The following CACNA1D variants were observed in gnomAD, a reference collection of about 807,000 sequenced individuals.
CACNA1D encodes calcium voltage-gated channel subunit alpha1 D.
In CACNA1D, 55 loss-of-function variants were observed where a neutral mutation model predicts 257.1. The ratio of observed to expected loss-of-function variants is 0.21; its 90% confidence interval spans 0.17 to 0.27. CACNA1D has a LOEUF of 0.27. Among genes scored for constraint, CACNA1D ranks in the 10% least tolerant of loss-of-function variants. The probability of loss-of-function intolerance (pLI) is 1.00; values close to 1 mark genes in which losing one functional copy is unlikely to be tolerated. For synonymous variants in CACNA1D, 980 were observed against 1,014.9 expected (o/e 0.97, Z 0.65); for missense variants, 1,876 against 2,784.0 (o/e 0.67, Z 7.34).
chr3:53,797,138 G>A (rs1404667164), intron 40 of CACNA1D, among the ~76,000 whole-genome samples: 7 of 152,170 alleles, frequency 4.6e-5, no homozygotes, highest in Non-Finnish European at 1.5e-5. Flanking sequence ...ATAGTTTTCT[G>A]TATTTCTGGG....
chr3:53,729,582 G>A (rs979975451), intron 15 of CACNA1D, among the ~76,000 whole-genome samples: 3 of 152,154 alleles, frequency 2.0e-5, no homozygotes, highest in Non-Finnish European at 4.4e-5. Flanking sequence ...GGCATCTTCT[G>A]ATTTAGGAGT....
chr3:53,684,882 T>A (rs766662390), intron 8 of CACNA1D, among the ~76,000 whole-genome samples: 5 of 151,920 alleles, frequency 3.3e-5, no homozygotes, highest in Non-Finnish European at 7.4e-5. Context: ...TATGATAATC[T>A]CCAGAGTAAT....
chr3:53,576,440 T>G (rs2093039425), intron 3 of CACNA1D, among the ~76,000 whole-genome samples: 1 of 152,210 alleles, frequency 6.6e-6, no homozygotes, highest in African/African-American at 2.4e-5. Flanking sequence ...TCGAGGCCAT[T>G]GAGCAGAGTC....
chr3:53,724,206 T>A (rs2094908928), intron 14 of CACNA1D, among the ~76,000 whole-genome samples: 1 of 152,352 alleles, frequency 6.6e-6, no homozygotes, highest in East Asian at 1.9e-4. Context: ...GTAATTTTTT[T>A]AAAGACTTCT....
chr3:53,736,905 C>A (rs6788500), intron 20 of CACNA1D, among the ~76,000 whole-genome samples: 3,439 of 141,886 alleles, frequency 0.024, 57 homozygotes, highest in East Asian at 0.096. Context: ...AAAAAAAAAA[C>A]AAAAAGAACT....
intron 47 of CACNA1D, among the ~76,000 whole-genome samples, chr3:53,810,780 A>AAAAAAAAAAAAAAAAAAAAC (rs1559732992): frequency 7.6e-6 from 1 of 131,906 alleles, no homozygotes; most frequent in Non-Finnish European, 1.6e-5. Context: ...AAAAAAAAAA[A>AAAAAAAAAAAAAAAAAAAAC]AAAAAACAAA....
chr3:53,653,472 G>C (rs1206084368), intron 4 of CACNA1D, among the ~76,000 whole-genome samples: 1 of 152,062 alleles, frequency 6.6e-6, no homozygotes, highest in East Asian at 1.9e-4. Flanking sequence ...TAAATTTATG[G>C]ACTTAAAGGG....
chr3:53,513,602 C>A (rs2091211102), intron 3 of CACNA1D, among the ~76,000 whole-genome samples: 1 of 152,142 alleles, frequency 6.6e-6, no homozygotes, highest in African/African-American at 2.4e-5. Flanking sequence ...CCACTTTATT[C>A]CATCCTAGGT....
chr3:53,801,264 A>T lies in CACNA1D; in HGVS notation c.5247A>T (p.Gln1749His), dbSNP rs1210927253. The T allele has an allele frequency of 6.2e-7, 1 of 1,613,994 alleles. No individual in the cohort carries two copies. The highest frequency in any genetic ancestry group is 1.7e-5 in the Admixed American group (1 of 59,992). The change falls in exon 42 of 48, where the codon CAA (glutamine) becomes CAT (histidine). Residue 1749 changes from glutamine to histidine, a missense_variant. By Grantham distance (24) the Gln-to-His change is conservative. Around this residue, in one of 10 missense-constraint regions of CACNA1D, gnomAD observed 160 missense variants for 236.6 expected, o/e 0.68. Coordinates refer to ENST00000350061, the MANE Select transcript of CACNA1D (RefSeq NM_001128840.3). ...NHHNHNSIGK[Q>H]VPTSTNANLN... Reference sequence around the variant, plus strand: ...ATAACCATAATTCCATAGGAAAGCAAGTTCCCACCTCAACAAATGCCAATC... The same window carrying T: ...ATAACCATAATTCCATAGGAAAGCATGTTCCCACCTCAACAAATGCCAATC...
chr3:53,809,106 T>A, intron 46 of CACNA1D: 1 of 321,918 alleles, frequency 3.1e-6, no homozygotes. Context: ...TGGGGGCCAC[T>A]TGGCTGATTC....
rs1024564786 is a variant in CACNA1D at position 53,789,823 on chromosome 3, G to A, written c.4923+2871G>A. ...CACCCCCAGGGAATGTTTTTTCAAGGACACATATACGCACTGTGGTTTTGA... is the reference window on the plus strand; with the variant it reads ...CACCCCCAGGGAATGTTTTTTCAAGAACACATATACGCACTGTGGTTTTGA... On this transcript the variant is annotated intron_variant, in intron 40 of 47. Transcript: ENST00000350061. This position sits in a 1 kb window ranked among gnomAD's most constrained non-coding sequence, Gnocchi z 4.2. Among the ~76,000 whole-genome samples, 11 of 152,198 alleles carry A rather than the reference G, an allele frequency of 7.2e-5. No individual in the cohort carries two copies. Among genetic ancestry groups the A allele is most frequent in the African/African-American group, 1.7e-4 (7 of 41,444 alleles).
chr3:53,776,272 C>A (rs2095396503), intron 35 of CACNA1D, among the ~76,000 whole-genome samples: 1 of 152,176 alleles, frequency 6.6e-6, no homozygotes, highest in African/African-American at 2.4e-5. Flanking sequence ...GAGCAATTAC[C>A]AATCACCTTA....
intron 8 of CACNA1D, among the ~76,000 whole-genome samples, chr3:53,693,025 G>A (rs1427444276): frequency 2.6e-5 from 4 of 152,202 alleles, no homozygotes; most frequent in African/African-American, 4.8e-5. Context: ...CTGGGCAGCC[G>A]AGCCCAGACC....
chr3:53,550,105 C>T (rs2092499605), intron 3 of CACNA1D, among the ~76,000 whole-genome samples: 1 of 152,122 alleles, frequency 6.6e-6, no homozygotes, highest in African/African-American at 2.4e-5. Flanking sequence ...TTGGCTCTCC[C>T]CACGTTGGCT....
At chr3:53,782,633 G>A (rs1420752704) in intron 39 of CACNA1D, 1 of 152,224 alleles carries the variant, frequency 6.6e-6, no homozygotes, top group Non-Finnish European at 1.5e-5. Context: ...CAGCATGCCA[G>A]CCAGCTCTGC....
chr3:53,755,413 A>G (rs976663491), intron 29 of CACNA1D, among the ~76,000 whole-genome samples: 1 of 152,220 alleles, frequency 6.6e-6, no homozygotes, highest in African/African-American at 2.4e-5. Context: ...ACAGCCCAGT[A>G]GTGCACTGCC....
chr3:53,665,921 C>A, intron 6 of CACNA1D, 109 bp downstream of exon 6: 1 of 829,242 alleles, frequency 1.2e-6, no homozygotes, highest in Non-Finnish European at 2.0e-6. Context: ...AAAAAATGCC[C>A]AATATACCAG....
chr3:53,561,519 T>C (rs571108995), intron 3 of CACNA1D, among the ~76,000 whole-genome samples: 10 of 152,244 alleles, frequency 6.6e-5, no homozygotes, highest in African/African-American at 2.4e-4. Flanking sequence ...CACCTTGTCA[T>C]TGGAGGGCTG....
chr3:53,647,659 T>C (rs2094036879), intron 3 of CACNA1D, among the ~76,000 whole-genome samples: 1 of 152,244 alleles, frequency 6.6e-6, no homozygotes, highest in Non-Finnish European at 1.5e-5. Context: ...GTAAGGCGAA[T>C]AATTATCCCA....
Sources: gnomAD v4.1 joint callset for allele counts (sites outside exome capture counted in the v4.1 genomes callset) on GRCh38, gnomAD v4.1.1 for gene constraint, gnomAD v4.1.1 regional missense constraint, Gnocchi (gnomAD v3.1) non-coding constraint, MANE v1.5 for transcripts, NCBI Gene and HGNC (gene_info 2026-07-23, HGNC 2026-07-21) for gene names.